The following SLC24A2 variants were observed in gnomAD, a reference collection of about 807,000 sequenced individuals.
SLC24A2 encodes the protein sodium/potassium/calcium exchanger 2.
SLC24A2 carries 36 observed loss-of-function variants against 62.0 expected under a neutral mutation model. That is an observed-to-expected ratio of 0.58 (90% CI 0.44 to 0.77). The LOEUF (loss-of-function observed/expected upper bound fraction) is 0.77, where lower values mean the gene tolerates loss of function less well. Ranked by LOEUF, SLC24A2 falls within the 30% of genes least tolerant of loss-of-function variation. The pLI is 0.00. For missense variants in SLC24A2, 846 were observed against 817.9 expected, an observed-to-expected ratio of 1.03 and a Z score of -0.42; for synonymous variants, 358 against 294.0, an observed-to-expected ratio of 1.22 and a Z score of -2.23.
chr9:19,813,385 C>T, the SLC24A2 span, among the ~76,000 whole-genome samples: 14 of 139,442 alleles, frequency 1.0e-4, no homozygotes, highest in East Asian at 6.6e-4. Context: ...TGCGGTGGCA[C>T]GATCTCGGCT....
intron 2 of SLC24A2, among the ~76,000 whole-genome samples, chr9:19,718,882 G>C (rs561093888): frequency 6.6e-6 from 1 of 152,272 alleles, no homozygotes; most frequent in East Asian, 1.9e-4. Flanking sequence ...AATTTATGCT[G>C]GTTTCTTGCC....
At chr9:20,217,282 A>G in the SLC24A2 span, among the ~76,000 whole-genome samples, 3 of 152,216 alleles carry the variant, frequency 2.0e-5, no homozygotes, top group Middle Eastern at 3.2e-3. Context: ...CTATGCTGTT[A>G]GGATTCAGCT....
chr9:20,286,445 G>A, the SLC24A2 span, among the ~76,000 whole-genome samples: 1 of 152,162 alleles, frequency 6.6e-6, no homozygotes, highest in Non-Finnish European at 1.5e-5. Context: ...TCCATATCTG[G>A]CATTCAGGTA....
intron 2 of SLC24A2, among the ~76,000 whole-genome samples, chr9:19,737,350 A>T (rs1366248338): frequency 1.3e-5 from 2 of 152,222 alleles, no homozygotes; most frequent in Non-Finnish European, 1.5e-5. Context: ...AATTAGCAAA[A>T]TGTCAAAGAT....
chr9:20,112,467 T>C, the SLC24A2 span, among the ~76,000 whole-genome samples: 14,815 of 152,202 alleles, frequency 0.097, 1,533 homozygotes, highest in East Asian at 0.55. Flanking sequence ...TTATTCATCC[T>C]CTTTACCATA....
At chr9:20,020,280 A>C in the SLC24A2 span, among the ~76,000 whole-genome samples, 1 of 152,226 alleles carries the variant, frequency 6.6e-6, no homozygotes, top group Non-Finnish European at 1.5e-5. Context: ...AAATATGTTT[A>C]TTGCAGCACT....
intron 2 of SLC24A2, among the ~76,000 whole-genome samples, chr9:19,769,866 G>T: frequency 6.6e-6 from 1 of 152,038 alleles, no homozygotes; most frequent in Middle Eastern, 3.2e-3. Flanking sequence ...ACTTGTGTCT[G>T]TGGGGGGTTG....
intron 2 of SLC24A2, among the ~76,000 whole-genome samples, chr9:19,751,253 T>G (rs944098615): frequency 1.3e-5 from 2 of 152,200 alleles, no homozygotes; most frequent in Non-Finnish European, 2.9e-5. Flanking sequence ...TTGTTAATCC[T>G]CACAACAACC....
chr9:20,208,068 T>A, the SLC24A2 span, among the ~76,000 whole-genome samples: 2 of 152,012 alleles, frequency 1.3e-5, no homozygotes. Flanking sequence ...CAAGTAAGTA[T>A]GTAAGTGTAA....
the SLC24A2 span, among the ~76,000 whole-genome samples, chr9:19,817,205 C>T: frequency 1.3e-5 from 2 of 151,994 alleles, no homozygotes; most frequent in African/African-American, 2.4e-5. Flanking sequence ...CTGCTTCAGT[C>T]TGCCAGCTTG....
chr9:20,011,426 A>G, the SLC24A2 span, among the ~76,000 whole-genome samples: 1 of 152,092 alleles, frequency 6.6e-6, no homozygotes, highest in Non-Finnish European at 1.5e-5. Context: ...AAGTGTCTCA[A>G]AAGACATTTT....
chr9:19,959,614 T>C, the SLC24A2 span, among the ~76,000 whole-genome samples: 1 of 152,212 alleles, frequency 6.6e-6, no homozygotes, highest in Non-Finnish European at 1.5e-5. Flanking sequence ...ACTGAAAGAA[T>C]GCAGACCTAG....
At chr9:20,162,707 T>C in the SLC24A2 span, among the ~76,000 whole-genome samples, 1 of 152,092 alleles carries the variant, frequency 6.6e-6, no homozygotes, top group South Asian at 2.1e-4. Context: ...ATATCCTTGA[T>C]GAACATTGAT....
At chr9:19,624,796 A>T (rs1267275288) in intron 2 of SLC24A2, among the ~76,000 whole-genome samples, 1 of 151,432 alleles carries the variant, frequency 6.6e-6, no homozygotes, top group African/African-American at 2.5e-5. Flanking sequence ...AAGAGATAAG[A>T]AGTGTGACAT....
At chr9:20,184,347 C>G in the SLC24A2 span, among the ~76,000 whole-genome samples, 1 of 152,038 alleles carries the variant, frequency 6.6e-6, no homozygotes, top group Admixed American at 6.5e-5. Flanking sequence ...TCAAGAGAAA[C>G]GAGACCATCC....
chr9:19,605,559 G>A (rs1724631361), intron 4 of SLC24A2, among the ~76,000 whole-genome samples: 1 of 152,164 alleles, frequency 6.6e-6, no homozygotes, highest in African/African-American at 2.4e-5. Flanking sequence ...GGTATACCAG[G>A]ACCTGAAGAT....
At chr9:19,530,796 T>C (rs1316882343) in intron 8 of SLC24A2, among the ~76,000 whole-genome samples, 1 of 152,184 alleles carries the variant, frequency 6.6e-6, no homozygotes, top group Non-Finnish European at 1.5e-5. Flanking sequence ...AAAATATTCT[T>C]TGTGAATTTT....
At chr9:19,954,101 T>C in the SLC24A2 span, among the ~76,000 whole-genome samples, 6 of 152,154 alleles carry the variant, frequency 3.9e-5, no homozygotes, top group Non-Finnish European at 7.4e-5. Flanking sequence ...TCCTTGAAAG[T>C]TTAAATATGT....
At chr9:20,223,696 T>C in the SLC24A2 span, among the ~76,000 whole-genome samples, 4 of 152,206 alleles carry the variant, frequency 2.6e-5, no homozygotes, top group East Asian at 1.9e-4. Context: ...AAAATGGATA[T>C]ATAGTGGATG....
Sources: gnomAD v4.1 joint callset for allele counts (sites outside exome capture counted in the v4.1 genomes callset) on GRCh38, gnomAD v4.1.1 for gene constraint, MANE v1.5 for transcripts, NCBI Gene and HGNC (gene_info 2026-07-23, HGNC 2026-07-21) for gene names.